Variants in PCNA observed in about 807,000 individuals in gnomAD.
PCNA encodes DNA sliding clamp PCNA.
In PCNA, 4 loss-of-function variants were observed where a neutral mutation model predicts 27.8. That is an observed-to-expected ratio of 0.14 (90% CI 0.07 to 0.33). The LOEUF is 0.33. PCNA is among the 10% of genes least tolerant of loss of function. The pLI, the probability that PCNA is intolerant of heterozygous loss-of-function variation, is 1.00. For synonymous variants in PCNA, 121 were observed against 119.4 expected (o/e 1.01, Z -0.09); for missense variants, 165 against 327.4 (o/e 0.50, Z 3.83).
chr20:5,119,323 A>C (rs2090498797), intron 1 of PCNA, among the ~76,000 whole-genome samples: 1 of 152,182 alleles, frequency 6.6e-6, no homozygotes, highest in African/African-American at 2.4e-5. Flanking sequence ...TGTTCCTGGC[A>C]CTGCGGAAAA....
intron 4 of PCNA, among the ~76,000 whole-genome samples, chr20:5,116,068 G>A (rs2090472756): frequency 6.6e-6 from 1 of 152,166 alleles, no homozygotes; most frequent in African/African-American, 2.4e-5. Flanking sequence ...AGGAATTTAT[G>A]TATACACAGG....
At chr20:5,115,727 TTATC>T (rs1378304815) in intron 4 of PCNA, among the ~76,000 whole-genome samples, 155 bp from the exon 5 acceptor site, 1 of 152,208 alleles carries the variant, frequency 6.6e-6, no homozygotes, top group South Asian at 2.1e-4. Context: ...AAAGACTCGA[TTATC>T]TAGCTTGTCT....
Position 5,115,362 on chromosome 20 carries a change from A to G in PCNA, c.707T>C (p.Val236Ala), listed in dbSNP as rs769780505. The stretch of plus-strand genomic sequence containing the variant: ...CATATCCGCAATTTTATACTCTACA[A>G]CTGAAAGACAGGAAGATGGTTAATT... ...TLSMSADVPL[V>A]VEYKIADMGH... Residue 236 changes from valine (V) to alanine (A), a missense_variant and splice_region_variant, in exon 6 of 6, where the codon GTT (valine) becomes GCT (alanine). By Grantham distance (64) the Val-to-Ala change is moderately conservative. Coordinates refer to ENST00000379143, the MANE Select transcript of PCNA (RefSeq NM_182649.2). The G allele has an allele frequency of 1.9e-6, 3 of 1,613,880 alleles. No individual in the cohort carries two copies. Among genetic ancestry groups the G allele is most frequent in the Non-Finnish European group, 1.7e-6 (2 of 1,179,796 alleles).
upstream of PCNA, among the ~76,000 whole-genome samples, chr20:5,120,387 A>T (rs147798159): frequency 5.9e-5 from 9 of 152,360 alleles, no homozygotes; most frequent in African/African-American, 1.9e-4. Context: ...TTTTTCAATT[A>T]CAGAATTGAT....
chr20:5,115,620 T>C, intron 4 of PCNA, 48 bp from the exon 5 acceptor site: 2 of 1,484,266 alleles, frequency 1.3e-6, no homozygotes, highest in Non-Finnish European at 1.9e-6. Flanking sequence ...AAAGTTGCAA[T>C]CTATTAGCTC....
At chr20:5,119,539 G>T (rs17348) in intron 1 of PCNA, 39 bp downstream of exon 1, 171,766 of 1,546,540 alleles carry the variant, frequency 0.11, 11,314 homozygotes, top group African/African-American at 0.29. Flanking sequence ...CGGAGGTGCA[G>T]GCGGGCCGGG....
chr20:5,123,620 G>A (rs902919373), upstream of PCNA, among the ~76,000 whole-genome samples: 1 of 151,644 alleles, frequency 6.6e-6, no homozygotes, highest in African/African-American at 2.4e-5. Flanking sequence ...GCTTGAACCC[G>A]GGAGGCAGAG....
At chr20:5,124,906 C>T (rs934932700), upstream of PCNA, among the ~76,000 whole-genome samples, 1 of 152,158 alleles carries the variant, frequency 6.6e-6, no homozygotes, top group African/African-American at 2.4e-5. Flanking sequence ...TTCTCCAAGC[C>T]TCCTTTTATT....
intron 4 of PCNA, among the ~76,000 whole-genome samples, chr20:5,115,819 A>G (rs186894043): frequency 3.3e-4 from 50 of 152,346 alleles, no homozygotes; most frequent in African/African-American, 1.2e-3. Context: ...TCTAATAAGC[A>G]GCCAATAAGT....
upstream of PCNA, chr20:5,120,124 G>T: frequency 3.1e-6 from 1 of 327,042 alleles, no homozygotes; most frequent in Non-Finnish European, 5.9e-6. Flanking sequence ...CGCAGGGCGG[G>T]GCAGCGTCGC....
rs377256355 is a variant in PCNA at position 5,115,378 on chromosome 20, A to G, written c.707-16T>C. ...TACTCTACAACTGAAAGACAGGAAG[A>G]TGGTTAATTACTGAGGAGTATGTAT... On this transcript the variant is annotated splice_polypyrimidine_tract_variant and intron_variant, in intron 5 of 5. Coordinates refer to ENST00000379143, the MANE Select transcript of PCNA (RefSeq NM_182649.2). 238 of 1,613,492 alleles carry G rather than the reference A, an allele frequency of 1.5e-4. 1 individual carries two copies. The highest frequency in any genetic ancestry group is 1.9e-4 in the Non-Finnish European group (224 of 1,179,604).
At position 5,117,563 on chromosome 20, in the gene PCNA, T is replaced by C; in HGVS notation, c.489A>G (p.Ala163=). Reference sequence around the variant, plus strand: ...TTGCAGAAAATTTCACTCCGTCTTTTGCACAGGAAATTACAACAGCATCTC... The same window carrying C: ...TTGCAGAAAATTTCACTCCGTCTTTCGCACAGGAAATTACAACAGCATCTC... The part of the protein sequence containing the change: ...HIGDAVVISC[A]KDGVKFSASG... Residue 163 remains alanine, a synonymous_variant, in exon 4 of 6, where the codon GCA becomes GCG. Transcript: ENST00000379143. 1 of 1,614,028 alleles carries C rather than the reference T, an allele frequency of 6.2e-7. No individual in the cohort carries two copies. Among genetic ancestry groups the C allele is most frequent in the East Asian group, 2.2e-5 (1 of 44,870 alleles).
Position 5,119,765 on chromosome 20 carries a change from G to A in PCNA, c.34C>T (p.Leu12Phe). Residue 12 changes from leucine (L) to phenylalanine (F), a missense_variant, in exon 1 of 6, where the codon CTC (leucine) becomes TTC (phenylalanine). Leu to Phe is a conservative substitution (Grantham distance 22, BLOSUM62 0). Coordinates refer to ENST00000379143, the MANE Select transcript of PCNA (RefSeq NM_182649.2). ...TTGAGTGCCTCCAACACCTTCTTGAGGATGGAGCCCTGGACCAGGCGCGCC... is the reference window on the plus strand; with the variant it reads ...TTGAGTGCCTCCAACACCTTCTTGAAGATGGAGCCCTGGACCAGGCGCGCC... Reference protein sequence around the residue: ...FEARLVQGSILKKVLEALKDL... With the variant: ...FEARLVQGSIFKKVLEALKDL... 2 of 1,580,970 alleles carry A rather than the reference G, an allele frequency of 1.3e-6. No individual in the cohort carries two copies. The highest frequency in any genetic ancestry group is 1.7e-6 in the Non-Finnish European group (2 of 1,163,466).
In PCNA at chr20:5,118,775, C is replaced by T. The variant is rs1280122791; in HGVS notation, c.313G>A (p.Ala105Thr). The T allele has an allele frequency of 6.2e-7, 1 of 1,613,466 alleles. No individual in the cohort carries two copies. Among genetic ancestry groups the T allele is most frequent in the Non-Finnish European group, 8.5e-7 (1 of 1,179,354 alleles). Residue 105 changes from alanine to threonine, a missense_variant, in exon 2 of 6, where the codon GCA becomes ACA. Transcript: ENST00000379143. ...NADTLALVFE[A>T]PNQEKVSDYE... is the part of the protein sequence containing the mutation. ...GTAAAAAGGTACGACTTACTTGGTG[C>T]TTCAAATACTAGCGCCAAGGTATCC...
chr20:5,117,270 G>C (rs2090481592), intron 4 of PCNA, among the ~76,000 whole-genome samples, 200 bp downstream of exon 4: 2 of 152,186 alleles, frequency 1.3e-5, no homozygotes, highest in Non-Finnish European at 2.9e-5. Flanking sequence ...ATGTACACGT[G>C]CTGAATTTGT....
Position 5,119,931 on chromosome 20 carries a change from C to G in PCNA, c.-133G>C. The G allele has an allele frequency of 1.5e-6, 1 of 687,598 alleles. No homozygotes were observed. Among genetic ancestry groups the G allele is most frequent in the Non-Finnish European group, 2.5e-6 (1 of 400,558 alleles). 42.6% of individuals were successfully genotyped at this position (687,598 alleles called of 1,614,324 possible). Reference sequence around the variant, plus strand: ...GGCTGAGACCTAGAAAGACAACGACCACTCTGCTACGCCTGCAACCGTTTA... The same window carrying G: ...GGCTGAGACCTAGAAAGACAACGACGACTCTGCTACGCCTGCAACCGTTTA... On this transcript the variant is annotated 5_prime_UTR_variant, in exon 1 of 6. Transcript: ENST00000379143.
rs1184090981 is a variant in PCNA at position 5,119,848 on chromosome 20, G to A, written c.-50C>T. The A allele has an allele frequency of 1.4e-6, 2 of 1,449,646 alleles. No homozygotes were observed. Among genetic ancestry groups the A allele is most frequent in the Non-Finnish European group, 1.9e-6 (2 of 1,057,980 alleles). 89.8% of individuals were successfully genotyped at this position (1,449,646 alleles called of 1,614,324 possible). A position where few individuals can be genotyped will look rare whatever the true frequency, so the allele number is the denominator to read the frequency against. On this transcript the variant is annotated 5_prime_UTR_variant, in exon 1 of 6. Transcript: ENST00000379143. Reference sequence around the variant, plus strand: ...CTACAGGCAGGCGGGAAGGAGGAAAGTCTAGCTGGTTTCGGCTTCAGGAGC... The same window carrying A: ...CTACAGGCAGGCGGGAAGGAGGAAAATCTAGCTGGTTTCGGCTTCAGGAGC...
chr20:5,115,204 A>G lies in PCNA; in HGVS notation c.*79T>C. ...CTTAGAGGTACAAATTTGGTGACAG[A>G]AAAGACTTCAGTATATGCTGGCATC... is the stretch of plus-strand genomic sequence containing the variant. On this transcript the variant is annotated 3_prime_UTR_variant, in exon 6 of 6. Transcript: ENST00000379143. The G allele has an allele frequency of 1.9e-6, 2 of 1,062,700 alleles. No individual in the cohort carries two copies. The highest frequency in any genetic ancestry group is 1.4e-6 in the Non-Finnish European group (1 of 699,340). The allele number at this position is 1,062,700 out of a possible 1,614,324, so 65.8% of individuals were successfully genotyped here. A position where few individuals can be genotyped will look rare whatever the true frequency, so the allele number is the denominator to read the frequency against.
intron 1 of PCNA, among the ~76,000 whole-genome samples, chr20:5,125,027 A>G (rs2090537772): frequency 6.6e-6 from 1 of 152,186 alleles, no homozygotes; most frequent in South Asian, 2.1e-4. Context: ...CTAGACACTA[A>G]CATCTTCACC....
Sources: gnomAD v4.1 joint callset for allele counts (sites outside exome capture counted in the v4.1 genomes callset) on GRCh38, gnomAD v4.1.1 for gene constraint, MANE v1.5 for transcripts, NCBI Gene and HGNC (gene_info 2026-07-23, HGNC 2026-07-21) for gene names.